The following THSD7A variants were observed in gnomAD, a reference collection of about 807,000 sequenced individuals.
THSD7A encodes thrombospondin type-1 domain-containing protein 7A.
THSD7A carries 96 observed loss-of-function variants against 231.3 expected under a neutral mutation model. That is an observed-to-expected ratio of 0.41 (90% CI 0.35 to 0.49). THSD7A has a LOEUF of 0.49. Among genes scored for constraint, THSD7A ranks in the 20% least tolerant of loss-of-function variants. The probability of loss-of-function intolerance (pLI) is 0.05; values close to 1 mark genes in which losing one functional copy is unlikely to be tolerated. For synonymous variants in THSD7A, 940 were observed against 743.3 expected (o/e 1.26, Z -4.30); for missense variants, 2,290 against 2,070.2 (o/e 1.11, Z -2.06).
At chr7:11,460,921 C>T (rs1336043038) in intron 10 of THSD7A, among the ~76,000 whole-genome samples, 156 bp from the exon 11 acceptor site, 1 of 152,098 alleles carries the variant, frequency 6.6e-6, no homozygotes, top group Non-Finnish European at 1.5e-5. Flanking sequence ...TCCATCTAGG[C>T]TTTAGAAGAA....
In THSD7A at chr7:11,750,760, G is replaced by A. The variant is rs142696012; in HGVS notation, c.190+80997C>T. Among the ~76,000 whole-genome samples the A allele has an allele frequency of 9.6e-3, 1,467 of 152,036 alleles. 19 individuals are homozygous for A. The highest frequency in any genetic ancestry group is 0.033 in the African/African-American group (1,366 of 41,486). On this transcript the variant is annotated intron_variant, in intron 1 of 27. Transcript: ENST00000423059. The stretch of plus-strand genomic sequence containing the variant: ...GAGACCTCAGTAAGACTAGTCTAAC[G>A]GCAGAAATAAAGGACAAATTTGCAA...
At position 11,700,573 on chromosome 7, in the gene THSD7A, T is replaced by C. The variant is rs578095041; in HGVS notation, c.191-63612A>G. Among the ~76,000 whole-genome samples, 17 of 151,376 alleles carry C rather than the reference T, an allele frequency of 1.1e-4. No homozygotes were observed. In the East Asian group the frequency reaches 3.1e-3, roughly 28 times the overall value. The stretch of plus-strand genomic sequence containing the variant: ...CATGTAAAATCTTCATTGAAAATTA[T>C]GGATAAAATTGTAGTTGGAGTGTTT... On this transcript the variant is annotated intron_variant, in intron 1 of 27. Coordinates refer to ENST00000423059, the MANE Select transcript of THSD7A (RefSeq NM_015204.3).
intron 1 of THSD7A, among the ~76,000 whole-genome samples, chr7:11,770,105 TA>T (rs1339800390): frequency 6.6e-6 from 1 of 152,054 alleles, no homozygotes; most frequent in Admixed American, 6.6e-5. Context: ...AACCAGAGCA[TA>T]AAAACTTGAA....
chr7:11,745,100 A>G (rs146761947), intron 1 of THSD7A, among the ~76,000 whole-genome samples: 3,931 of 152,080 alleles, frequency 0.026, 177 homozygotes, highest in African/African-American at 0.09. Context: ...CCTCTCCAGC[A>G]CCTGTTGTTT....
chr7:11,740,779 A>G (rs1468957566), intron 1 of THSD7A, among the ~76,000 whole-genome samples: 1 of 152,024 alleles, frequency 6.6e-6, no homozygotes, highest in East Asian at 2.0e-4. Flanking sequence ...TTGTGTGTGC[A>G]TTTGTTTCCT....
intron 6 of THSD7A, among the ~76,000 whole-genome samples, chr7:11,485,718 A>T (rs1280856836): frequency 1.3e-5 from 2 of 152,226 alleles, no homozygotes; most frequent in East Asian, 3.9e-4. Flanking sequence ...ATGCCAAGGC[A>T]GTAAATAATA....
chr7:11,504,865 G>A (rs1282993481), intron 6 of THSD7A, among the ~76,000 whole-genome samples: 1 of 151,080 alleles, frequency 6.6e-6, no homozygotes, highest in Non-Finnish European at 1.5e-5. Context: ...GTAAATTTTA[G>A]TTGTATGTAT....
At chr7:11,724,442 C>G (rs1781475113) in intron 1 of THSD7A, among the ~76,000 whole-genome samples, 1 of 151,820 alleles carries the variant, frequency 6.6e-6, no homozygotes, top group Non-Finnish European at 1.5e-5. Context: ...GAGCTCTGTA[C>G]TGATTTTATT....
intron 6 of THSD7A, among the ~76,000 whole-genome samples, chr7:11,530,129 A>C (rs531672702): frequency 9.2e-5 from 14 of 152,308 alleles, no homozygotes; most frequent in African/African-American, 3.4e-4. Context: ...AACATGGTTT[A>C]ATGATAAAAT....
intron 6 of THSD7A, among the ~76,000 whole-genome samples, chr7:11,499,939 G>T (rs1787263360): frequency 6.6e-6 from 1 of 152,120 alleles, no homozygotes; most frequent in African/African-American, 2.4e-5. Context: ...TGCTAGAGAG[G>T]CCAACAGTCA....
At chr7:11,815,003 T>C (rs1472706426) in intron 1 of THSD7A, among the ~76,000 whole-genome samples, 3 of 152,056 alleles carry the variant, frequency 2.0e-5, no homozygotes, top group African/African-American at 4.8e-5. Flanking sequence ...ATGTTGATGT[T>C]GGCTGGAAAC....
At chr7:11,477,296 A>G (rs1786232408) in intron 7 of THSD7A, among the ~76,000 whole-genome samples, 1 of 152,190 alleles carries the variant, frequency 6.6e-6, no homozygotes, top group African/African-American at 2.4e-5. Context: ...TCTTCCAATT[A>G]GAGTTTATCT....
intron 1 of THSD7A, among the ~76,000 whole-genome samples, chr7:11,769,387 A>G (rs1434658688): frequency 6.6e-6 from 1 of 151,768 alleles, no homozygotes; most frequent in African/African-American, 2.4e-5. Context: ...ATAGTTAATT[A>G]TTAAATCATC....
chr7:11,589,083 A>T (rs1286544284), intron 4 of THSD7A, among the ~76,000 whole-genome samples: 1 of 152,128 alleles, frequency 6.6e-6, no homozygotes, highest in African/African-American at 2.4e-5. Flanking sequence ...GGTTTTAAAA[A>T]CATTCATTTC....
At chr7:11,432,130 A>G (rs191559003) in intron 13 of THSD7A, among the ~76,000 whole-genome samples, 46 of 152,248 alleles carry the variant, frequency 3.0e-4, no homozygotes, top group African/African-American at 1.0e-3. Flanking sequence ...TGTTAAAAAC[A>G]TAAGCTTCTA....
chr7:11,503,361 G>T (rs1422300525), intron 6 of THSD7A, among the ~76,000 whole-genome samples: 1 of 152,088 alleles, frequency 6.6e-6, no homozygotes, highest in East Asian at 1.9e-4. Context: ...AAAAACCCTG[G>T]AAGACAACCT....
At chr7:11,799,513 A>C (rs1784220646) in intron 1 of THSD7A, among the ~76,000 whole-genome samples, 1 of 152,186 alleles carries the variant, frequency 6.6e-6, no homozygotes. Flanking sequence ...AACAAGAATA[A>C]AAATGTATCT....
At chr7:11,703,404 C>T (rs1780667432) in intron 1 of THSD7A, among the ~76,000 whole-genome samples, 1 of 151,004 alleles carries the variant, frequency 6.6e-6, no homozygotes, top group African/African-American at 2.4e-5. Flanking sequence ...CAGATCCTAC[C>T]CAATAAGTGG....
At chr7:11,443,681 C>T (rs994389626) in intron 13 of THSD7A, among the ~76,000 whole-genome samples, 9 of 151,682 alleles carry the variant, frequency 5.9e-5, no homozygotes, top group Non-Finnish European at 1.2e-4. Context: ...AGATTGATTG[C>T]CCAACAACGT....
Sources: allele counts gnomAD v4.1 joint callset (sites outside exome capture counted in the v4.1 genomes callset), GRCh38; gene constraint gnomAD v4.1.1; transcripts MANE v1.5; gene names NCBI Gene and HGNC (gene_info 2026-07-23, HGNC 2026-07-21).